Variants in CDH20 observed in about 807,000 individuals in gnomAD.
CDH20 encodes cadherin-20.
CDH20 carries 29 observed loss-of-function variants against 74.2 expected under a neutral mutation model. That is an observed-to-expected ratio of 0.39 (90% confidence interval 0.29 to 0.53). The LOEUF is 0.53. Ranked by LOEUF, CDH20 falls within the 20% of genes least tolerant of loss-of-function variation. The pLI, the probability that CDH20 is intolerant of heterozygous loss-of-function variation, is 0.69. For missense variants in CDH20, 988 were observed against 1,048.3 expected (o/e 0.94, Z 0.79); for synonymous variants, 469 against 405.4 (o/e 1.16, Z -1.88).
chr18:61,343,203 C>A (rs1910009556), intron 1 of CDH20, among the ~76,000 whole-genome samples: 2 of 152,216 alleles, frequency 1.3e-5, no homozygotes, highest in Admixed American at 1.3e-4. Flanking sequence ...TACCCTACTG[C>A]AGGTTCCCAA....
chr18:61,475,861 A>C (rs1033912151), intron 1 of CDH20, among the ~76,000 whole-genome samples: 2 of 152,230 alleles, frequency 1.3e-5, no homozygotes, highest in Non-Finnish European at 2.9e-5. Context: ...CATAAATGAA[A>C]ATTAGACCAG....
intron 1 of CDH20, among the ~76,000 whole-genome samples, chr18:61,415,510 T>A (rs572624639): frequency 1.3e-5 from 2 of 152,300 alleles, no homozygotes; most frequent in African/African-American, 4.8e-5. Flanking sequence ...AAATACCATA[T>A]TTTCTTTTGT....
chr18:61,435,180 T>C (rs1044874099), intron 1 of CDH20, among the ~76,000 whole-genome samples: 4 of 152,122 alleles, frequency 2.6e-5, no homozygotes, highest in Non-Finnish European at 5.9e-5. Flanking sequence ...AGGTCACCCA[T>C]CTGGGTTCAC....
intron 1 of CDH20, among the ~76,000 whole-genome samples, chr18:61,408,651 T>C (rs1399363420): frequency 6.6e-6 from 1 of 152,176 alleles, no homozygotes; most frequent in Non-Finnish European, 1.5e-5. Flanking sequence ...CAGCATTTAG[T>C]TTTTAGATTG....
chr18:61,394,493 A>G (rs1911896502), intron 1 of CDH20, among the ~76,000 whole-genome samples: 1 of 152,146 alleles, frequency 6.6e-6, no homozygotes, highest in Admixed American at 6.5e-5. Context: ...TGAGGCTTCT[A>G]CACCCCAAGG....
chr18:61,534,209 G>A (rs952746597), intron 7 of CDH20, among the ~76,000 whole-genome samples: 9 of 152,130 alleles, frequency 5.9e-5, no homozygotes, highest in South Asian at 2.1e-4. Context: ...ACGTTAGAAC[G>A]TCTGTTGTCA....
Position 61,549,989 on chromosome 18 carries a change from C to T in CDH20, c.1660C>T (p.Arg554Trp), listed in dbSNP as rs776559067. ...CCTCCTTCTTTCAGATAACACAGCACGGATTCTAACCAGGAGGTCTGGTTT... is the reference window on the plus strand; with the variant it reads ...CCTCCTTCTTTCAGATAACACAGCATGGATTCTAACCAGGAGGTCTGGTTT... Reference protein sequence around the residue: ...TIRDNQDNTARILTRRSGFRQ... With the variant: ...TIRDNQDNTAWILTRRSGFRQ... The change falls in exon 11 of 12, where the codon CGG becomes TGG. Residue 554 changes from arginine to tryptophan, a missense_variant. Physicochemically the swap from Arg to Trp is moderately radical, Grantham distance 101. This residue lies in a region of CDH20 where 613 missense variants were observed against 755.2 expected (regional missense o/e 0.81). Transcript: ENST00000262717. 12 of 1,613,828 alleles carry T rather than the reference C, an allele frequency of 7.4e-6. No individual in the cohort carries two copies. The highest frequency in any genetic ancestry group is 1.6e-4 in the Middle Eastern group (1 of 6,082).
intron 1 of CDH20, among the ~76,000 whole-genome samples, chr18:61,355,887 G>C (rs1435805498): frequency 6.6e-6 from 1 of 152,176 alleles, no homozygotes; most frequent in African/African-American, 2.4e-5. Context: ...AAGATTGAAG[G>C]AAAGAGATAA....
intron 6 of CDH20, among the ~76,000 whole-genome samples, chr18:61,514,293 A>C (rs1330186269): frequency 7.3e-5 from 11 of 151,080 alleles, no homozygotes; most frequent in Non-Finnish European, 1.3e-4. Context: ...TGATCGCATC[A>C]GCTCCTGAGG....
At chr18:61,511,861 C>A (rs1911794512) in intron 6 of CDH20, among the ~76,000 whole-genome samples, 1 of 152,138 alleles carries the variant, frequency 6.6e-6, no homozygotes, top group South Asian at 2.1e-4. Context: ...ACTTTGATTT[C>A]TCTTCTGAAC....
chr18:61,554,480 T>C lies in CDH20; in HGVS notation c.2191T>C (p.Tyr731His), dbSNP rs1913554990. ...CCACAGCTACGTGCTGGCCAAGCTCTACGAGGCCGACATGGACCTGTGGGC... is the reference window on the plus strand; with the variant it reads ...CCACAGCTACGTGCTGGCCAAGCTCCACGAGGCCGACATGGACCTGTGGGC... ...TVHSYVLAKL[Y>H]EADMDLWAPP... Residue 731 changes from tyrosine (Y) to histidine (H), a missense_variant, in exon 12 of 12, where the codon TAC becomes CAC. This residue lies in a region of CDH20 where 375 missense variants were observed against 293.1 expected (regional missense o/e 1.28). Transcript: ENST00000262717. The C allele has an allele frequency of 5.6e-6, 9 of 1,612,992 alleles. No individual in the cohort carries two copies. The highest frequency in any genetic ancestry group is 1.3e-5 in the African/African-American group (1 of 75,032).
At chr18:61,522,795 A>C (rs1370724940) in intron 6 of CDH20, among the ~76,000 whole-genome samples, 1 of 152,204 alleles carries the variant, frequency 6.6e-6, no homozygotes, top group Non-Finnish European at 1.5e-5. Context: ...GACAAACCTG[A>C]CAAAAACAAT....
intron 1 of CDH20, among the ~76,000 whole-genome samples, chr18:61,418,216 AAATC>A (rs1434093933): frequency 1.3e-5 from 2 of 152,208 alleles, no homozygotes; most frequent in African/African-American, 4.8e-5. Context: ...AATGAGAATA[AAATC>A]AATAATAGGC....
chr18:61,536,687 G>C, intron 8 of CDH20, 58 bp downstream of exon 8: 1 of 1,491,662 alleles, frequency 6.7e-7, no homozygotes, highest in Non-Finnish European at 9.2e-7. Context: ...GTTATAGAAA[G>C]TGGAAGTTTC....
At chr18:61,446,028 A>T (rs950866475) in intron 1 of CDH20, among the ~76,000 whole-genome samples, 1 of 152,144 alleles carries the variant, frequency 6.6e-6, no homozygotes, top group Non-Finnish European at 1.5e-5. Flanking sequence ...TCCAATGACA[A>T]GCATCCCAAG....
rs1912099955 is a variant in CDH20, at chr18:61,519,028, GA to G, written c.1018-8937del. ...AGTGGAAGAAAGGATATCAGAAATTGAAGATCAACTTAATGAAAAAAGCATA... is the reference window on the plus strand; with the variant it reads ...AGTGGAAGAAAGGATATCAGAAATTGAGATCAACTTAATGAAAAAAGCATA... On this transcript the variant is annotated intron_variant, in intron 6 of 11. Coordinates refer to ENST00000262717, the MANE Select transcript of CDH20 (RefSeq NM_031891.4). Among the ~76,000 whole-genome samples, 2 of 151,180 alleles carry G rather than the reference GA, an allele frequency of 1.3e-5. 1 individual carries two copies. The highest frequency in any genetic ancestry group is 4.9e-5 in the African/African-American group (2 of 40,626).
chr18:61,547,674 A>C (rs997319168), intron 10 of CDH20, among the ~76,000 whole-genome samples: 1 of 152,122 alleles, frequency 6.6e-6, no homozygotes, highest in Non-Finnish European at 1.5e-5. Context: ...TAAGCATTAA[A>C]ACTGGGATTA....
At chr18:61,538,881 C>T (rs1210139954) in intron 8 of CDH20, 143 bp from the exon 9 acceptor site, 1 of 792,740 alleles carries the variant, frequency 1.3e-6, no homozygotes, top group Non-Finnish European at 2.0e-6. Context: ...ATCCTCCCGC[C>T]TCGGCCTCCC....
At chr18:61,535,641 C>A (rs1444466353) in intron 7 of CDH20, among the ~76,000 whole-genome samples, 1 of 152,190 alleles carries the variant, frequency 6.6e-6, no homozygotes, top group Non-Finnish European at 1.5e-5. Context: ...TCATTCTCCC[C>A]TTGGAGAGCT....
Sources: gnomAD v4.1 joint callset for allele counts (sites outside exome capture counted in the v4.1 genomes callset) on GRCh38, gnomAD v4.1.1 for gene constraint, gnomAD v4.1.1 regional missense constraint, MANE v1.5 for transcripts, NCBI Gene and HGNC (gene_info 2026-07-23, HGNC 2026-07-21) for gene names.